The following FCF1 variants were observed in gnomAD, a reference collection of about 807,000 sequenced individuals.
The protein encoded by FCF1 is FCF1 rRNA-processing protein.
In FCF1, 17 loss-of-function variants were observed where a neutral mutation model predicts 32.5. The observed-to-expected ratio is 0.52, with a 90% CI of 0.36 to 0.78. The LOEUF (loss-of-function observed/expected upper bound fraction) is 0.78. Ranked by LOEUF, FCF1 falls within the 30% of genes least tolerant of loss-of-function variation. The probability of loss-of-function intolerance (pLI) is 0.00; values close to 1 mark genes in which losing one functional copy is unlikely to be tolerated. For missense variants in FCF1, 201 were observed against 241.1 expected (o/e 0.83, Z 1.10); for synonymous variants, 84 against 78.4 (o/e 1.07, Z -0.38).
rs1383422701 is a variant in FCF1 at position 74,734,131 on chromosome 14, A to G, written c.509A>G (p.Lys170Arg). 1 of 1,613,672 alleles carries G rather than the reference A, an allele frequency of 6.2e-7. No homozygotes were observed. The highest frequency in any genetic ancestry group is 8.5e-7 in the Non-Finnish European group (1 of 1,179,710). ...VDRDLKRRIR[K>R]IPGVPIMYIS... is the part of the protein sequence containing the mutation. ...CGGGACCTGAAAAGAAGAATCCGTA[A>G]GATTCCTGGAGTTCCTATCATGTAC... Residue 170 changes from lysine (K) to arginine (R), a missense_variant, in exon 7 of 8, where the codon AAG becomes AGG. Lys to Arg is a conservative substitution (Grantham distance 26). Coordinates refer to ENST00000341162, the MANE Select transcript of FCF1 (RefSeq NM_015962.5).
At position 74,713,538 on chromosome 14, in the gene FCF1, C is replaced by T. The variant is rs1403366521; in HGVS notation, c.57C>T (p.Leu19=). 4 of 1,611,992 alleles carry T rather than the reference C, an allele frequency of 2.5e-6. No homozygotes were observed. Among genetic ancestry groups the T allele is most frequent in the Non-Finnish European group, 3.4e-6 (4 of 1,179,790 alleles). The change falls in exon 2 of 8, where the codon CTC becomes CTT. Residue 19 remains leucine (L), a synonymous_variant. Transcript: ENST00000341162. ...KYATMKRMLS[L]RDQRLKEKDR... ...CGACCATGAAGCGAATGCTTAGTCTCAGAGATCAGAGGCTGTGAGTGTCTG... is the reference window on the plus strand; with the variant it reads ...CGACCATGAAGCGAATGCTTAGTCTTAGAGATCAGAGGCTGTGAGTGTCTG...
rs569750577 is a variant in FCF1 at position 74,720,039 on chromosome 14, G to A, written c.293-3233G>A. Among the ~76,000 whole-genome samples, 5 of 152,256 alleles carry A rather than the reference G, an allele frequency of 3.3e-5. No individual in the cohort carries two copies. In the South Asian group the frequency reaches 1.0e-3, roughly 32 times the overall value. ...TCCCTATAATTCCAGCTACTCGGGA[G>A]GCTGATGCAGGAAAATCGCTTGAAC... On this transcript the variant is annotated intron_variant, in intron 4 of 7. Transcript: ENST00000341162.
intron 6 of FCF1, 129 bp downstream of exon 6, chr14:74,732,947 T>C (rs925106247): frequency 4.3e-4 from 246 of 577,344 alleles, no homozygotes; most frequent in Non-Finnish European, 6.9e-4. Flanking sequence ...AAAAATTGCA[T>C]AGCATTCCTT....
At chr14:74,731,145 T>C (rs1441280830) in intron 5 of FCF1, among the ~76,000 whole-genome samples, 1 of 151,980 alleles carries the variant, frequency 6.6e-6, no homozygotes, top group Non-Finnish European at 1.5e-5. Context: ...TGGTAATTTT[T>C]AAAACAATAA....
chr14:74,717,278 C>T (rs1231055765), intron 4 of FCF1, among the ~76,000 whole-genome samples: 1 of 151,928 alleles, frequency 6.6e-6, no homozygotes, highest in African/African-American at 2.4e-5. Context: ...ATCGCTGGAA[C>T]CTGGGAGGTG....
chr14:74,734,592 C>T (rs1357813205), intron 7 of FCF1, among the ~76,000 whole-genome samples: 1 of 151,662 alleles, frequency 6.6e-6, no homozygotes, highest in Admixed American at 6.6e-5. Context: ...AGCTTTTCAG[C>T]TTGAGGAGAG....
At chr14:74,716,203 G>T in intron 4 of FCF1, 104 bp downstream of exon 4, 1 of 1,127,328 alleles carries the variant, frequency 8.9e-7, no homozygotes, top group Admixed American at 1.9e-5. Context: ...CTGAATTGCT[G>T]GCCATTTAAT....
Position 74,736,347 on chromosome 14 carries a change from G to C in FCF1, c.*1417G>C, listed in dbSNP as rs1195410806. On this transcript the variant is annotated 3_prime_UTR_variant, in exon 8 of 8. Coordinates refer to ENST00000341162, the MANE Select transcript of FCF1 (RefSeq NM_015962.5). ...GAACCTCTTGAACCCAGGAGGTGGA[G>C]GTTGCAGTGAGCTGAGATTGCGCCA... is the stretch of plus-strand genomic sequence containing the variant. 6.6e-6 allele frequency: 1 copy of C among 152,072 alleles called. No homozygotes were observed. The highest frequency in any genetic ancestry group is 2.4e-5 in the African/African-American group (1 of 41,400). 9.4% of individuals were successfully genotyped at this position (152,072 alleles called of 1,614,324 possible). A position where few individuals can be genotyped will look rare whatever the true frequency, so the allele number is the denominator to read the frequency against.
rs1292927407 is a variant in FCF1 at position 74,713,368 on chromosome 14, G to A, written c.4-117G>A. On this transcript the variant is annotated intron_variant, in intron 1 of 7. Transcript: ENST00000341162. ...TGACTGTTATGCTTTACAGAGTGGGGAAGAGGGTCTGGGTTATTTGAGGCA... is the reference window on the plus strand; with the variant it reads ...TGACTGTTATGCTTTACAGAGTGGGAAAGAGGGTCTGGGTTATTTGAGGCA... The A allele has an allele frequency of 3.2e-6, 5 of 1,549,278 alleles. No homozygotes were observed. The East Asian group carries it at 7.0e-5, about 22-fold the overall frequency.
chr14:74,721,761 AC>A (rs1295742835), intron 4 of FCF1, among the ~76,000 whole-genome samples: 2 of 152,354 alleles, frequency 1.3e-5, no homozygotes, highest in East Asian at 3.9e-4. Context: ...AAAGTTACAT[AC>A]TATTCTATTG....
At chr14:74,734,783 C>G (rs1262677685) in intron 7 of FCF1, 99 bp from the exon 8 acceptor site, 1 of 896,950 alleles carries the variant, frequency 1.1e-6, no homozygotes, top group African/African-American at 1.7e-5. Context: ...AAAAAGGATT[C>G]ACAGTGGGGG....
rs1224111245 is a variant in FCF1, at chr14:74,713,505, G to A, written c.24G>A (p.Arg8=). The A allele has an allele frequency of 6.2e-7, 1 of 1,612,582 alleles. No individual in the cohort carries two copies. Among genetic ancestry groups the A allele is most frequent in the Non-Finnish European group, 8.5e-7 (1 of 1,179,994 alleles). The change falls in exon 2 of 8, where the codon AGG becomes AGA. Residue 8 remains arginine (R), a synonymous_variant. Coordinates refer to ENST00000341162, the MANE Select transcript of FCF1 (RefSeq NM_015962.5). ...TCAAGGGGAAGCAAAAGAAAACAAG[G>A]AAGTATGCGACCATGAAGCGAATGC... MGKQKKT[R]KYATMKRMLS...
At chr14:74,717,639 G>C (rs899689672) in intron 4 of FCF1, among the ~76,000 whole-genome samples, 6 of 152,182 alleles carry the variant, frequency 3.9e-5, no homozygotes, top group African/African-American at 1.4e-4. Flanking sequence ...GACCCCATAT[G>C]GGGGAAGACA....
chr14:74,727,505 T>A (rs1163252000), intron 5 of FCF1, among the ~76,000 whole-genome samples: 1 of 152,110 alleles, frequency 6.6e-6, no homozygotes, highest in East Asian at 1.9e-4. Flanking sequence ...TTCTGAATAT[T>A]AGCCCTTTGT....
intron 4 of FCF1, 31 bp from the exon 5 acceptor site, chr14:74,723,241 T>C: frequency 6.5e-7 from 1 of 1,530,194 alleles, no homozygotes; most frequent in Non-Finnish European, 9.1e-7. Context: ...TTACAAGTTC[T>C]GTTCTTAATG....
In FCF1 at chr14:74,713,363, G is replaced by A. The variant is rs990338590; in HGVS notation, c.4-122G>A. On this transcript the variant is annotated intron_variant, in intron 1 of 7. Transcript: ENST00000341162. ...AGCGGTGACTGTTATGCTTTACAGA[G>A]TGGGGAAGAGGGTCTGGGTTATTTG... The A allele has an allele frequency of 1.9e-6, 3 of 1,551,950 alleles. No homozygotes were observed. The Admixed American group carries it at 5.6e-5, about 29-fold the overall frequency.
At position 74,725,480 on chromosome 14, in the gene FCF1, CAAAAAAA is replaced by C. The variant is rs35508938; in HGVS notation, c.365+2159_365+2165del. On this transcript the variant is annotated intron_variant, in intron 5 of 7. Transcript: ENST00000341162. ...GGGCTACAAAGCAAGACCCTGTCTCCAAAAAAAAAAAAAAAAAAAAAAAAAAAAACTG... is the reference window on the plus strand; with the variant it reads ...GGGCTACAAAGCAAGACCCTGTCTCCAAAAAAAAAAAAAAAAAAAAAACTG... Among the ~76,000 whole-genome samples the C allele has an allele frequency of 1.4e-3, 54 of 40,000 alleles. 1 individual carries two copies. The highest frequency in any genetic ancestry group is 5.9e-3 in the African/African-American group (53 of 8,940). The allele number at this position is 40,000 out of a possible 152,430, so 26.2% of individuals were successfully genotyped here. A position where few individuals can be genotyped will look rare whatever the true frequency, so the allele number is the denominator to read the frequency against.
rs775045981 is a variant in FCF1, at chr14:74,723,809, CAA to C, written c.365+466_365+467del. On this transcript the variant is annotated intron_variant, in intron 5 of 7. Transcript: ENST00000341162. ...CGCCATTGCACTCCAGCCTGGGCAA[CAA>C]GAGCAAAACTCTGTCTCAAAAAAAA... 1.5e-4 allele frequency among the ~76,000 whole-genome samples: 18 copies of C among 117,518 alleles called. No individual in the cohort carries two copies. In the East Asian group the frequency reaches 2.0e-3, roughly 13 times the overall value. 77.1% of individuals were successfully genotyped at this position (117,518 alleles called of 152,430 possible).
At position 74,734,164 on chromosome 14, in the gene FCF1, A is replaced by C; in HGVS notation, c.542A>C (p.Asn181Thr). The part of the protein sequence containing the change: ...IPGVPIMYIS[N>T]HRYNIERMPD... Reference sequence around the variant, plus strand: ...GGAGTTCCTATCATGTACATTTCTAACCATAGGTGAGAAATTTCCCTTGGA... The same window carrying C: ...GGAGTTCCTATCATGTACATTTCTACCCATAGGTGAGAAATTTCCCTTGGA... Residue 181 changes from asparagine (N) to threonine (T), a missense_variant, in exon 7 of 8, where the codon AAC becomes ACC. Around this residue, in one of 3 missense-constraint regions of FCF1, gnomAD observed 121 missense variants for 147.8 expected, o/e 0.82. Transcript: ENST00000341162. 2 of 1,603,924 alleles carry C rather than the reference A, an allele frequency of 1.2e-6. No individual in the cohort carries two copies. The highest frequency in any genetic ancestry group is 1.7e-6 in the Non-Finnish European group (2 of 1,171,014).
Sources: gnomAD v4.1 joint callset for allele counts (sites outside exome capture counted in the v4.1 genomes callset) on GRCh38, gnomAD v4.1.1 for gene constraint, gnomAD v4.1.1 regional missense constraint, MANE v1.5 for transcripts, NCBI Gene and HGNC (gene_info 2026-07-23, HGNC 2026-07-21) for gene names.